Variants in CEP85L observed in about 807,000 individuals in gnomAD.
CEP85L encodes centrosomal protein of 85 kDa-like.
Under a neutral mutation model 100.3 loss-of-function variants are expected in CEP85L, and 60 were observed. The observed-to-expected ratio is 0.60, with a 90% CI of 0.49 to 0.74. CEP85L has a LOEUF of 0.74. CEP85L is among the 30% of genes least tolerant of loss of function. CEP85L has a pLI of 0.00. For synonymous variants in CEP85L, 319 were observed against 322.7 expected, an observed-to-expected ratio of 0.99 and a Z score of 0.12; for missense variants, 973 against 936.2, an observed-to-expected ratio of 1.04 and a Z score of -0.51.
chr6:118,501,522 T>C (rs772943849), intron 5 of CEP85L: 2 of 487,936 alleles, frequency 4.1e-6, no homozygotes, highest in South Asian at 1.6e-5. Flanking sequence ...TCCATCATCA[T>C]TAAACACCCA....
chr6:118,558,756 A>G, intron 3 of CEP85L: 1 of 660,456 alleles, frequency 1.5e-6, no homozygotes, highest in South Asian at 1.7e-5. Context: ...TTAGTGTAAA[A>G]TTGTATTTTT....
chr6:118,547,306 G>T (rs549456008), intron 3 of CEP85L, among the ~76,000 whole-genome samples: 12 of 152,194 alleles, frequency 7.9e-5, no homozygotes, highest in African/African-American at 2.9e-4. Context: ...GTTCTAGGAA[G>T]TTCAAAATAT....
At chr6:118,645,080 C>T (rs932515928) in intron 1 of CEP85L, among the ~76,000 whole-genome samples, 6 of 152,182 alleles carry the variant, frequency 3.9e-5, no homozygotes, top group Non-Finnish European at 8.8e-5. Context: ...ATTATCAGGC[C>T]TTCCTCACCT....
At chr6:118,497,564 C>T (rs1202832866) in intron 5 of CEP85L, among the ~76,000 whole-genome samples, 1 of 152,186 alleles carries the variant, frequency 6.6e-6, no homozygotes, top group Admixed American at 6.5e-5. Context: ...ACCACACCCC[C>T]TCCCCAGGTC....
chr6:118,589,590 T>A (rs1781064261), intron 2 of CEP85L: 1 of 262,580 alleles, frequency 3.8e-6, no homozygotes, highest in Non-Finnish European at 8.1e-6. Flanking sequence ...AGAGAAAGTA[T>A]CTAGTGATTT....
At position 118,619,608 on chromosome 6, in the gene CEP85L, G is replaced by A. The variant is rs534800970; in HGVS notation, c.232+12845C>T. Among the ~76,000 whole-genome samples, 513 of 152,258 alleles carry A rather than the reference G, an allele frequency of 3.4e-3. 2 individuals carry two copies. The highest frequency in any genetic ancestry group is 0.011 in the African/African-American group (477 of 41,564). ...AAAACGTAAACTCCGCGAACCAGGC[G>A]CCCAAACTAAGTCCCTTACAAGCAG... On this transcript the variant is annotated intron_variant, in intron 2 of 12. Coordinates refer to ENST00000368491, the MANE Select transcript of CEP85L (RefSeq NM_001042475.3).
In CEP85L at chr6:118,461,370, TA is replaced by T. The variant is rs1402275796; in HGVS notation, c.*4034del. ...ATCTGATAATTCCCCTCATGTTTAC[TA>T]AGGTATCCACCTAGTAACAAAAAAC... is the stretch of plus-strand genomic sequence containing the variant. On this transcript the variant is annotated 3_prime_UTR_variant, in exon 13 of 13. Transcript: ENST00000368491. 6 of 152,066 alleles carry T rather than the reference TA, an allele frequency of 3.9e-5. No homozygotes were observed. Among genetic ancestry groups the T allele is most frequent in the Non-Finnish European group, 8.8e-5 (6 of 67,964 alleles). The allele number at this position is 152,066 out of a possible 1,614,324, so 9.4% of individuals were successfully genotyped here.
intron 6 of CEP85L, chr6:118,491,467 A>T: frequency 7.9e-7 from 1 of 1,270,688 alleles, no homozygotes; most frequent in South Asian, 2.7e-5. Context: ...AGATTTTACT[A>T]TTTGTTAGAA....
At chr6:118,488,672 C>T (rs1334444179) in intron 6 of CEP85L, among the ~76,000 whole-genome samples, 1 of 152,024 alleles carries the variant, frequency 6.6e-6, no homozygotes, top group Non-Finnish European at 1.5e-5. Flanking sequence ...GAGGGAGAGG[C>T]AGGAGGCATG....
At chr6:118,633,999 G>A (rs74907763) in intron 1 of CEP85L, among the ~76,000 whole-genome samples, 1 of 152,140 alleles carries the variant, frequency 6.6e-6, no homozygotes, top group African/African-American at 2.4e-5. Context: ...CAATGCTCCC[G>A]TATCTGTATA....
At chr6:118,590,795 C>G (rs1017203800) in intron 2 of CEP85L, among the ~76,000 whole-genome samples, 2 of 152,190 alleles carry the variant, frequency 1.3e-5, no homozygotes, top group African/African-American at 4.8e-5. Flanking sequence ...ACCCTCCTCT[C>G]TCCCCAGATG....
rs1198201353 is a variant in CEP85L, at chr6:118,610,506, G to C, written c.232+21947C>G. Among the ~76,000 whole-genome samples the C allele has an allele frequency of 8.5e-5, 13 of 152,102 alleles. No individual in the cohort carries two copies. The East Asian group carries it at 2.5e-3, about 29-fold the overall frequency. On this transcript the variant is annotated intron_variant, in intron 2 of 12. Coordinates refer to ENST00000368491, the MANE Select transcript of CEP85L (RefSeq NM_001042475.3). Reference sequence around the variant, plus strand: ...TTTCACCATCACTGAGTAGTAACAAGGCAACCCACACTGTGGTGTCAATGG... The same window carrying C: ...TTTCACCATCACTGAGTAGTAACAACGCAACCCACACTGTGGTGTCAATGG...
intron 4 of CEP85L, among the ~76,000 whole-genome samples, chr6:118,522,118 G>T (rs1223892329): frequency 6.6e-6 from 1 of 151,916 alleles, no homozygotes; most frequent in African/African-American, 2.4e-5. Context: ...CCCAGCACTT[G>T]GGGAGGCAGA....
intron 2 of CEP85L, among the ~76,000 whole-genome samples, chr6:118,590,062 C>G (rs567331644): frequency 2.0e-5 from 3 of 151,796 alleles, no homozygotes; most frequent in African/African-American, 7.3e-5. Flanking sequence ...CACACACACA[C>G]ACACACATAC....
chr6:118,536,740 GT>G (rs1196182756), intron 3 of CEP85L, among the ~76,000 whole-genome samples: 1 of 152,160 alleles, frequency 6.6e-6, no homozygotes, highest in Non-Finnish European at 1.5e-5. Context: ...GAAGAATGAA[GT>G]TGATAACAAC....
intron 2 of CEP85L, among the ~76,000 whole-genome samples, chr6:118,572,999 T>A (rs1324022228): frequency 6.6e-6 from 1 of 152,048 alleles, no homozygotes; most frequent in East Asian, 1.9e-4. Context: ...GAGGCAGAGG[T>A]TGCAGTGAGC....
At chr6:118,588,407 G>A (rs1020930604) in intron 2 of CEP85L, among the ~76,000 whole-genome samples, 1 of 152,202 alleles carries the variant, frequency 6.6e-6, no homozygotes, top group Non-Finnish European at 1.5e-5. Context: ...GCCTTAGTAG[G>A]TAGTAGCACA....
intron 2 of CEP85L, among the ~76,000 whole-genome samples, chr6:118,611,179 G>GT (rs1772587245): frequency 6.6e-6 from 1 of 152,058 alleles, no homozygotes; most frequent in Non-Finnish European, 1.5e-5. Context: ...TGTTGGAAGT[G>GT]GTTTTAAATG....
At chr6:118,624,250 T>C (rs1773641340) in intron 2 of CEP85L, among the ~76,000 whole-genome samples, 1 of 152,200 alleles carries the variant, frequency 6.6e-6, no homozygotes, top group Non-Finnish European at 1.5e-5. Context: ...CTCTCTTTAA[T>C]GGAGTCCTTA....
Sources: gnomAD v4.1 joint callset for allele counts (sites outside exome capture counted in the v4.1 genomes callset) on GRCh38, gnomAD v4.1.1 for gene constraint, MANE v1.5 for transcripts, NCBI Gene and HGNC (gene_info 2026-07-23, HGNC 2026-07-21) for gene names.